The following BCAS1 variants were observed in gnomAD, a reference collection of about 807,000 sequenced individuals.
The protein encoded by BCAS1 is breast carcinoma-amplified sequence 1.
BCAS1 carries 46 observed loss-of-function variants against 65.4 expected under a neutral mutation model. The ratio of observed to expected loss-of-function variants is 0.70; its 90% confidence interval spans 0.55 to 0.90. The LOEUF is 0.90. BCAS1 is among the 40% of genes least tolerant of loss of function. The pLI is 0.00. For synonymous variants in BCAS1, 298 were observed against 293.5 expected (o/e 1.02, Z -0.16); for missense variants, 793 against 771.2 (o/e 1.03, Z -0.33).
At chr20:54,016,108 C>T (rs1002476646) in intron 4 of BCAS1, among the ~76,000 whole-genome samples, 3 of 152,158 alleles carry the variant, frequency 2.0e-5, no homozygotes, top group African/African-American at 7.2e-5. Context: ...TTGAAATCTG[C>T]TTTTCTCATT....
chr20:53,950,144 GCCCGT>G (rs2089467572), intron 12 of BCAS1, among the ~76,000 whole-genome samples: 9 of 96,922 alleles, frequency 9.3e-5, no homozygotes, highest in Non-Finnish European at 1.9e-4. Flanking sequence ...TCCTTGCACA[GCCCGT>G]ACAGCCTGCA....
chr20:54,069,280 A>G (rs1184182596), intron 1 of BCAS1, among the ~76,000 whole-genome samples: 4 of 152,356 alleles, frequency 2.6e-5, no homozygotes, highest in East Asian at 1.9e-4. Flanking sequence ...AAGCTCAGCC[A>G]TGGAGATGAA....
intron 9 of BCAS1, among the ~76,000 whole-genome samples, chr20:53,967,683 A>G (rs982936506): frequency 6.6e-6 from 1 of 152,252 alleles, no homozygotes; most frequent in East Asian, 1.9e-4. Flanking sequence ...CAAGAAACTG[A>G]TGGCTAAGTT....
intron 3 of BCAS1, among the ~76,000 whole-genome samples, chr20:54,056,888 T>C (rs1482063961): frequency 1.3e-5 from 2 of 152,222 alleles, no homozygotes; most frequent in African/African-American, 4.8e-5. Context: ...TAATATGTGC[T>C]TTCATTATAT....
intron 3 of BCAS1, among the ~76,000 whole-genome samples, chr20:54,054,099 C>A (rs1253889849): frequency 6.6e-6 from 1 of 152,142 alleles, no homozygotes; most frequent in Non-Finnish European, 1.5e-5. Flanking sequence ...TTTTATAAAA[C>A]CATCAAATCT....
intron 8 of BCAS1, among the ~76,000 whole-genome samples, chr20:53,981,825 T>C (rs1407299494): frequency 6.6e-6 from 1 of 150,956 alleles, no homozygotes; most frequent in Non-Finnish European, 1.5e-5. Context: ...TGCGTGCGTG[T>C]GTGTGTGTGT....
rs760834947 is a variant in BCAS1, at chr20:53,985,111, G to A, written c.1275+176C>T. Among the ~76,000 whole-genome samples, 29 of 152,184 alleles carry A rather than the reference G, an allele frequency of 1.9e-4. 1 individual carries two copies. Among genetic ancestry groups the A allele is most frequent in the South Asian group, 2.1e-4 (1 of 4,820 alleles). ...AACACATGTTTATAACATGACAGGC[G>A]TTTCATTTTTCCTAGGAACACATTA... On this transcript the variant is annotated intron_variant, in intron 8 of 12. Transcript: ENST00000688948.
intron 10 of BCAS1, among the ~76,000 whole-genome samples, chr20:53,961,827 C>G (rs2089886264): frequency 6.6e-6 from 1 of 152,164 alleles, no homozygotes; most frequent in Non-Finnish European, 1.5e-5. Context: ...CTTACCAGCT[C>G]CCGGACCGTG....
chr20:53,954,929 C>A (rs1056266260), intron 11 of BCAS1, among the ~76,000 whole-genome samples: 3 of 152,158 alleles, frequency 2.0e-5, no homozygotes, highest in Non-Finnish European at 4.4e-5. Context: ...TTCAAGACAA[C>A]CTTGAAATTA....
intron 3 of BCAS1, among the ~76,000 whole-genome samples, chr20:54,054,168 A>G (rs538209309): frequency 2.0e-5 from 3 of 152,292 alleles, no homozygotes; most frequent in South Asian, 2.1e-4. Context: ...CTATGATTCA[A>G]TTACCTCCTA....
At chr20:54,011,685 A>G in intron 4 of BCAS1, among the ~76,000 whole-genome samples, 1 of 152,174 alleles carries the variant, frequency 6.6e-6, no homozygotes, top group East Asian at 1.9e-4. Context: ...GGCAGAATAG[A>G]AAACAGTTAG....
At chr20:54,062,209 G>T (rs866301817) in intron 1 of BCAS1, among the ~76,000 whole-genome samples, 33 of 152,130 alleles carry the variant, frequency 2.2e-4, no homozygotes, top group African/African-American at 7.7e-4. Flanking sequence ...TGAGCCTACT[G>T]TGTATAAAAA....
At chr20:54,025,297 C>A (rs79602988) in intron 4 of BCAS1, among the ~76,000 whole-genome samples, 1 of 152,106 alleles carries the variant, frequency 6.6e-6, no homozygotes, top group Admixed American at 6.5e-5. Context: ...CTTTTAAATG[C>A]ATATCTTACA....
intron 9 of BCAS1, among the ~76,000 whole-genome samples, chr20:53,970,031 A>G (rs1205983812): frequency 1.3e-5 from 2 of 152,198 alleles, no homozygotes; most frequent in African/African-American, 2.4e-5. Context: ...ATAGCTCTTA[A>G]GTAGATAAGG....
At chr20:54,063,856 GA>G (rs767249149) in intron 1 of BCAS1, among the ~76,000 whole-genome samples, 12 of 152,186 alleles carry the variant, frequency 7.9e-5, no homozygotes, top group Non-Finnish European at 1.5e-4. Flanking sequence ...ACGTACAATT[GA>G]AAGAGCTAAC....
intron 10 of BCAS1, among the ~76,000 whole-genome samples, chr20:53,961,740 CAT>C (rs374362466): frequency 2.3e-4 from 35 of 152,184 alleles, no homozygotes; most frequent in African/African-American, 5.8e-4. Flanking sequence ...AGCAATTACA[CAT>C]GAGTCAAAGG....
chr20:53,975,600 G>A (rs543976056), intron 8 of BCAS1, among the ~76,000 whole-genome samples, 170 bp from the exon 9 acceptor site: 1 of 107,432 alleles, frequency 9.3e-6, no homozygotes, highest in Non-Finnish European at 2.0e-5. Flanking sequence ...AAATGAAAAC[G>A]GTATATATAT....
intron 4 of BCAS1, among the ~76,000 whole-genome samples, chr20:53,997,497 G>A (rs1012126307): frequency 5.9e-5 from 9 of 152,292 alleles, no homozygotes; most frequent in Admixed American, 1.3e-4. Context: ...GACATTCACA[G>A]TGTGTATAGT....
intron 4 of BCAS1, among the ~76,000 whole-genome samples, chr20:54,003,226 C>CAAAAAAAAAAAAA (rs36065746): frequency 1.0e-5 from 1 of 98,578 alleles, no homozygotes; most frequent in Non-Finnish European, 2.0e-5. Context: ...GCCAAACAGA[C>CAAAAAAAAAAAAA]AAAAAAAAAA....
Sources: gnomAD v4.1 joint callset for allele counts (sites outside exome capture counted in the v4.1 genomes callset) on GRCh38, gnomAD v4.1.1 for gene constraint, MANE v1.5 for transcripts, NCBI Gene and HGNC (gene_info 2026-07-23, HGNC 2026-07-21) for gene names.